PDE4D: variants seen among roughly 807,000 people sequenced by gnomAD.
The protein encoded by PDE4D is 3',5'-cyclic-AMP phosphodiesterase 4D.
A neutral mutation model predicts 87.4 loss-of-function variants in PDE4D; 24 were observed. The ratio of observed to expected loss-of-function variants is 0.27; its 90% CI spans 0.20 to 0.39. PDE4D has a LOEUF of 0.39. Among genes scored for constraint, PDE4D ranks in the 10% least tolerant of loss-of-function variants. The pLI is 1.00. For synonymous variants in PDE4D, 384 were observed against 383.2 expected, an observed-to-expected ratio of 1.00 and a Z score of -0.02; for missense variants, 714 against 1,041.0, an observed-to-expected ratio of 0.69 and a Z score of 4.32.
At chr5:60,410,126 G>T (rs1258514758) in intron 1 of PDE4D, among the ~76,000 whole-genome samples, 1 of 152,182 alleles carries the variant, frequency 6.6e-6, no homozygotes, top group Non-Finnish European at 1.5e-5. Flanking sequence ...GTAGGGCTGG[G>T]AGTCCAGGTG....
intron 2 of PDE4D, among the ~76,000 whole-genome samples, chr5:60,165,530 T>C (rs949755530): frequency 6.6e-6 from 1 of 151,842 alleles, no homozygotes; most frequent in African/African-American, 2.4e-5. Flanking sequence ...TAAAATTTCT[T>C]TACTTCTATG....
intron 1 of PDE4D, among the ~76,000 whole-genome samples, chr5:60,503,754 G>A (rs1201804151): frequency 6.6e-6 from 1 of 152,110 alleles, no homozygotes; most frequent in Non-Finnish European, 1.5e-5. Context: ...ATTAACAATG[G>A]AAGCAGAGTT....
intron 1 of PDE4D, among the ~76,000 whole-genome samples, chr5:60,327,437 G>A (rs1473290293): frequency 6.6e-6 from 1 of 151,166 alleles, no homozygotes; most frequent in Non-Finnish European, 1.5e-5. Context: ...TTTTCAGGGG[G>A]AAGAAAAAGA....
intron 13 of PDE4D, 34 bp downstream of exon 13, chr5:58,976,316 C>T: frequency 6.2e-7 from 1 of 1,608,042 alleles, no homozygotes; most frequent in Non-Finnish European, 8.5e-7. Flanking sequence ...TGCACAGACA[C>T]ACACACACAG....
chr5:59,089,567 G>C (rs1768324916), intron 5 of PDE4D, among the ~76,000 whole-genome samples: 2 of 152,242 alleles, frequency 1.3e-5, no homozygotes, highest in Admixed American at 1.3e-4. Context: ...CTGAGGCACA[G>C]AGAACCTCAA....
chr5:60,152,043 T>A (rs1781554650), intron 2 of PDE4D, among the ~76,000 whole-genome samples: 1 of 152,224 alleles, frequency 6.6e-6, no homozygotes, highest in African/African-American at 2.4e-5. Flanking sequence ...TGTGATGTAG[T>A]ACATTAATTG....
intron 1 of PDE4D, among the ~76,000 whole-genome samples, chr5:59,362,091 C>T (rs181737017): frequency 1.5e-3 from 231 of 152,126 alleles, no homozygotes; most frequent in Non-Finnish European, 2.5e-3. Context: ...AGTGTCTTAC[C>T]CATTTGGTTC....
At chr5:60,278,982 T>G (rs1169372644) in intron 1 of PDE4D, among the ~76,000 whole-genome samples, 2 of 152,234 alleles carry the variant, frequency 1.3e-5, no homozygotes, top group Non-Finnish European at 2.9e-5. Flanking sequence ...TGTTCATTTT[T>G]AAATTATGTT....
At chr5:59,658,197 C>T (rs1744678943) in intron 1 of PDE4D, among the ~76,000 whole-genome samples, 1 of 151,944 alleles carries the variant, frequency 6.6e-6, no homozygotes, top group Non-Finnish European at 1.5e-5. Context: ...CTTATTTAAT[C>T]CTTTAAAAAA....
At chr5:59,385,762 C>T (rs1394113299) in intron 1 of PDE4D, among the ~76,000 whole-genome samples, 2 of 152,134 alleles carry the variant, frequency 1.3e-5, no homozygotes, top group African/African-American at 4.8e-5. Flanking sequence ...CAGAAGAGGC[C>T]TCCATTGAGC....
intron 5 of PDE4D, among the ~76,000 whole-genome samples, chr5:59,090,790 G>GTT: frequency 8.0e-6 from 1 of 124,450 alleles, no homozygotes; most frequent in African/African-American, 2.9e-5. Context: ...CAGTAGCCAT[G>GTT]TTTTTTTTTT....
chr5:59,603,155 A>T (rs1827750761), intron 1 of PDE4D, among the ~76,000 whole-genome samples: 1 of 151,980 alleles, frequency 6.6e-6, no homozygotes, highest in Non-Finnish European at 1.5e-5. Context: ...AATAGACAAG[A>T]TTGCATCAAG....
chr5:59,256,389 T>C (rs534468980), intron 1 of PDE4D, among the ~76,000 whole-genome samples: 3 of 152,204 alleles, frequency 2.0e-5, no homozygotes, highest in Admixed American at 2.0e-4. Flanking sequence ...TTTGAATTCA[T>C]TATGTGGCTT....
chr5:59,264,628 T>A (rs1482851028), intron 1 of PDE4D, among the ~76,000 whole-genome samples: 1 of 151,866 alleles, frequency 6.6e-6, no homozygotes. Context: ...TAATGGTTAA[T>A]TTTTTTTCCC....
At chr5:59,039,529 C>T (rs1580459438) in intron 5 of PDE4D, 3 of 985,814 alleles carry the variant, frequency 3.0e-6, no homozygotes, top group Non-Finnish European at 3.6e-6. Context: ...TGTTTTCTTT[C>T]TCAACTCCTC....
chr5:58,976,302 C>T, intron 13 of PDE4D, 48 bp downstream of exon 13: 2 of 1,598,796 alleles, frequency 1.3e-6, no homozygotes, highest in South Asian at 1.1e-5. Context: ...GACATGTGCA[C>T]ATGTGCACAG....
rs1212267444 is a variant in PDE4D at position 58,974,981 on chromosome 5, G to A, written c.2113C>T (p.Arg705Cys). The change falls in exon 15 of 15, where the codon CGT becomes TGT. Residue 705 changes from arginine (R) to cysteine (C), a missense_variant. Arg to Cys is a radical substitution (Grantham distance 180). This residue lies in a region of PDE4D where 97 missense variants were observed against 176.9 expected (regional missense o/e 0.55). Transcript: ENST00000340635. ...QDILDTLEDN[R>C]EWYQSTIPQS... ...GGGATTGTGCTCTGGTACCATTCAC[G>A]ATTGTCCTCCAAAGTGTCCAAAATA... 4 of 1,612,834 alleles carry A rather than the reference G, an allele frequency of 2.5e-6. No homozygotes were observed. Among genetic ancestry groups the A allele is most frequent in the East Asian group, 4.5e-5 (2 of 44,846 alleles).
intron 2 of PDE4D, among the ~76,000 whole-genome samples, chr5:60,166,070 G>A (rs1582934408): frequency 6.6e-6 from 1 of 151,950 alleles, no homozygotes; most frequent in East Asian, 1.9e-4. Flanking sequence ...TTACCATGAG[G>A]CTTATAAAAA....
chr5:60,453,981 A>G (rs1746279293), intron 1 of PDE4D, among the ~76,000 whole-genome samples: 1 of 152,162 alleles, frequency 6.6e-6, no homozygotes, highest in Admixed American at 6.6e-5. Context: ...TATATTCAGA[A>G]ACTATTTTTA....
Sources: allele counts gnomAD v4.1 joint callset (sites outside exome capture counted in the v4.1 genomes callset), GRCh38; gene constraint gnomAD v4.1.1; regional missense constraint gnomAD v4.1.1; transcripts MANE v1.5; gene names NCBI Gene and HGNC (gene_info 2026-07-23, HGNC 2026-07-21).